COL27A1: variants seen among roughly 807,000 people sequenced by gnomAD.
COL27A1 encodes the protein collagen type XXVII alpha 1 chain, also known as collagen alpha-1(XXVII) chain.
In COL27A1, 106 loss-of-function variants were observed where a neutral mutation model predicts 251.3. The ratio of observed to expected loss-of-function variants is 0.42; its 90% CI spans 0.36 to 0.50. The LOEUF is 0.50. COL27A1 is among the 20% of genes least tolerant of loss of function. The pLI, the probability that COL27A1 is intolerant of heterozygous loss-of-function variation, is 0.00. For missense variants in COL27A1, 2,325 were observed against 2,522.8 expected (o/e 0.92, Z 1.68); for synonymous variants, 1,000 against 986.3 (o/e 1.01, Z -0.26).
chr9:114,189,788 G>A (rs1023694538), intron 5 of COL27A1, among the ~76,000 whole-genome samples: 8 of 151,950 alleles, frequency 5.3e-5, no homozygotes, highest in Non-Finnish European at 1.5e-5. Flanking sequence ...TTTCTAGATA[G>A]CTCTCATCTA....
At position 114,307,712 on chromosome 9, in the gene COL27A1, C is replaced by A; in HGVS notation, c.5151C>A (p.Thr1717=). ...VDPNLGCSSD[T]IEVSCNFTHG... ...CAAACCTTGGCTGCTCCTCTGACAC[C>A]ATCGAGGTCTCCTGCAACTTCACTC... Residue 1717 remains threonine, a synonymous_variant, in exon 59 of 61, where the codon ACC becomes ACA. Coordinates refer to ENST00000356083, the MANE Select transcript of COL27A1 (RefSeq NM_032888.4). 3 of 1,614,178 alleles carry A rather than the reference C, an allele frequency of 1.9e-6. No individual in the cohort carries two copies. Among genetic ancestry groups the A allele is most frequent in the Non-Finnish European group, 1.7e-6 (2 of 1,180,012 alleles).
At chr9:114,198,468 G>A (rs1169117343) in intron 7 of COL27A1, among the ~76,000 whole-genome samples, 1 of 152,206 alleles carries the variant, frequency 6.6e-6, no homozygotes, top group Non-Finnish European at 1.5e-5. Flanking sequence ...TGGCTCAGCT[G>A]GTCTGAGTGG....
chr9:114,274,426 A>G lies in COL27A1; in HGVS notation c.3610-1235A>G, dbSNP rs1195772840. Among the ~76,000 whole-genome samples, 7 of 152,292 alleles carry G rather than the reference A, an allele frequency of 4.6e-5. No individual in the cohort carries two copies. The East Asian group carries it at 1.2e-3, about 25-fold the overall frequency. On this transcript the variant is annotated intron_variant, in intron 36 of 60. Coordinates refer to ENST00000356083, the MANE Select transcript of COL27A1 (RefSeq NM_032888.4). ...GCCTCTGGGCCAGACCACTTGATTT[A>G]GCTCTGCCTCAGTTTCCTCTTCTGT...
intron 3 of COL27A1, among the ~76,000 whole-genome samples, chr9:114,175,095 A>T (rs1044900390): frequency 2.0e-5 from 3 of 152,264 alleles, no homozygotes; most frequent in African/African-American, 7.2e-5. Flanking sequence ...GTTCCGTAGG[A>T]TGGGGTTCCC....
chr9:114,310,719 G>A lies in COL27A1; in HGVS notation c.*24G>A, dbSNP rs1266768989. The A allele has an allele frequency of 6.2e-7, 1 of 1,613,236 alleles. No homozygotes were observed. Among genetic ancestry groups the A allele is most frequent in the East Asian group, 2.2e-5 (1 of 44,874 alleles). On this transcript the variant is annotated 3_prime_UTR_variant, in exon 61 of 61. Transcript: ENST00000356083. The stretch of plus-strand genomic sequence containing the variant: ...GACCTCTGACCTCGTGGCCACTCTA[G>A]GCCTCACGGAGGAGGGAAGAGGAAG...
chr9:114,172,666 C>T (rs1352947434), intron 3 of COL27A1, among the ~76,000 whole-genome samples: 3 of 152,050 alleles, frequency 2.0e-5, no homozygotes, highest in South Asian at 2.1e-4. Flanking sequence ...TGGTGGTGTG[C>T]GCCTGTAATC....
At chr9:114,161,787 G>A (rs1457017605) in intron 1 of COL27A1, among the ~76,000 whole-genome samples, 2 of 152,204 alleles carry the variant, frequency 1.3e-5, no homozygotes, top group African/African-American at 4.8e-5. Flanking sequence ...ACAGGAAGGT[G>A]AAATTGTATC....
chr9:114,291,962 C>A, intron 48 of COL27A1, 141 bp from the exon 49 acceptor site: 1 of 729,620 alleles, frequency 1.4e-6, no homozygotes, highest in South Asian at 1.6e-5. Context: ...CCCCACCAGG[C>A]CTCCATTTGT....
At chr9:114,258,340 G>T (rs1057068995) in intron 27 of COL27A1, among the ~76,000 whole-genome samples, 1 of 152,168 alleles carries the variant, frequency 6.6e-6, no homozygotes, top group Non-Finnish European at 1.5e-5. Flanking sequence ...GGCTGTGTTC[G>T]AGGCTGTGGC....
chr9:114,283,787 C>T, intron 40 of COL27A1, 25 bp downstream of exon 40: 1 of 1,610,710 alleles, frequency 6.2e-7, no homozygotes, highest in Non-Finnish European at 8.5e-7. Flanking sequence ...CCTCACCCCA[C>T]CCCCCGACTC....
In COL27A1 at chr9:114,288,696, A is replaced by G. The variant is rs202158550; in HGVS notation, c.4045-6A>G. 46 of 1,607,860 alleles carry G rather than the reference A, an allele frequency of 2.9e-5. No homozygotes were observed. The highest frequency in any genetic ancestry group is 1.7e-4 in the Middle Eastern group (1 of 6,060). On this transcript the variant is annotated splice_region_variant and splice_polypyrimidine_tract_variant and intron_variant, in intron 42 of 60. Transcript: ENST00000356083. Reference sequence around the variant, plus strand: ...CCCAAATTTTGCTGTTGTCTTTGTCATTCAGGGCCCTGTGGGTGATCGAGG... The same window carrying G: ...CCCAAATTTTGCTGTTGTCTTTGTCGTTCAGGGCCCTGTGGGTGATCGAGG...
Position 114,167,798 on chromosome 9 carries a change from G to C in COL27A1, c.243G>C (p.Arg81=). The change falls in exon 3 of 61, where the codon CGG becomes CGC. Residue 81 remains arginine, a synonymous_variant. Transcript: ENST00000356083. ...QSGFIFTQRA[R]LQAPTGTVIP... is the part of the protein sequence containing the mutation. The stretch of plus-strand genomic sequence containing the variant: ...GCTTCATCTTTACGCAGCGGGCCCG[G>C]CTCCAGGCTCCCACGGGCACCGTCA... The C allele has an allele frequency of 4.3e-6, 7 of 1,613,478 alleles. No individual in the cohort carries two copies. The highest frequency in any genetic ancestry group is 5.9e-6 in the Non-Finnish European group (7 of 1,179,982).
At chr9:114,304,397 C>T (rs1828879685) in intron 56 of COL27A1, among the ~76,000 whole-genome samples, 1 of 152,200 alleles carries the variant, frequency 6.6e-6, no homozygotes, top group African/African-American at 2.4e-5. Flanking sequence ...GAACTTAATC[C>T]TGAGGGCCAT....
chr9:114,266,737 C>A, intron 33 of COL27A1, 119 bp downstream of exon 33: 1 of 905,336 alleles, frequency 1.1e-6, no homozygotes, highest in South Asian at 1.4e-5. Context: ...GGGAGATGGT[C>A]ATGTACCGTG....
intron 13 of COL27A1, among the ~76,000 whole-genome samples, chr9:114,220,666 TCA>T (rs1831032330): frequency 6.6e-6 from 1 of 152,156 alleles, no homozygotes; most frequent in African/African-American, 2.4e-5. Flanking sequence ...TCCCTGAATC[TCA>T]GTTTCCTTGT....
At chr9:114,232,562 A>T (rs945308755) in intron 16 of COL27A1, among the ~76,000 whole-genome samples, 1 of 152,240 alleles carries the variant, frequency 6.6e-6, no homozygotes, top group Non-Finnish European at 1.5e-5. Flanking sequence ...AAGGGGGTGC[A>T]GGAGGGGTTC....
chr9:114,237,969 C>T (rs1832510208), intron 19 of COL27A1, among the ~76,000 whole-genome samples: 1 of 152,162 alleles, frequency 6.6e-6, no homozygotes, highest in Non-Finnish European at 1.5e-5. Flanking sequence ...TTGTGGCCAC[C>T]GCAGCTTTGT....
chr9:114,260,662 G>A (rs776036272), intron 28 of COL27A1, among the ~76,000 whole-genome samples: 13 of 152,074 alleles, frequency 8.5e-5, no homozygotes, highest in Non-Finnish European at 1.6e-4. Context: ...AGAGTTGATG[G>A]CCAGGGGCAA....
chr9:114,257,834 G>C (rs749841391), intron 27 of COL27A1, among the ~76,000 whole-genome samples: 1 of 152,230 alleles, frequency 6.6e-6, no homozygotes, highest in East Asian at 1.9e-4. Context: ...ACAGAACTTG[G>C]GTCACCAGAT....
Sources: gnomAD v4.1 joint callset for allele counts (sites outside exome capture counted in the v4.1 genomes callset) on GRCh38, gnomAD v4.1.1 for gene constraint, MANE v1.5 for transcripts, NCBI Gene and HGNC (gene_info 2026-07-23, HGNC 2026-07-21) for gene names.